The following POFUT3 variants were observed in gnomAD, a reference collection of about 807,000 sequenced individuals.
The protein encoded by POFUT3 is protein O-fucosyltransferase 3.
chr8:33,427,397 G>C, the POFUT3 span, among the ~76,000 whole-genome samples: 1 of 152,018 alleles, frequency 6.6e-6, no homozygotes, highest in East Asian at 1.9e-4. Context: ...GGCCAACATG[G>C]AGAAGCCCCG....
the POFUT3 span, among the ~76,000 whole-genome samples, chr8:33,432,589 G>T: frequency 6.6e-6 from 1 of 152,212 alleles, no homozygotes; most frequent in South Asian, 2.1e-4. Flanking sequence ...ACAGTTACAT[G>T]ACTAGTATTA....
chr8:33,423,560 A>G, the POFUT3 span, among the ~76,000 whole-genome samples: 1 of 152,060 alleles, frequency 6.6e-6, no homozygotes, highest in Non-Finnish European at 1.5e-5. Flanking sequence ...GTGAGCCACC[A>G]TTTCCAGACC....
At chr8:33,375,640 G>A in the POFUT3 span, among the ~76,000 whole-genome samples, 23 of 152,286 alleles carry the variant, frequency 1.5e-4, no homozygotes, top group Admixed American at 5.2e-4. Context: ...GTACTACATG[G>A]TTTATTTTTT....
chr8:33,321,502 C>T, the POFUT3 span, among the ~76,000 whole-genome samples: 32 of 152,066 alleles, frequency 2.1e-4, no homozygotes, highest in African/African-American at 5.8e-4. Context: ...TTTGGCTTCT[C>T]GCAGCAGGGT....
the POFUT3 span, among the ~76,000 whole-genome samples, chr8:33,415,719 C>T: frequency 6.6e-6 from 1 of 152,116 alleles, no homozygotes; most frequent in Non-Finnish European, 1.5e-5. Context: ...GTCCCAGGAC[C>T]TATCCCCATC....
chr8:33,390,837 G>A, the POFUT3 span, among the ~76,000 whole-genome samples: 1 of 152,292 alleles, frequency 6.6e-6, no homozygotes, highest in Non-Finnish European at 1.5e-5. Context: ...AAAAACCTCT[G>A]AAACATGATG....
chr8:33,423,797 T>A, the POFUT3 span, among the ~76,000 whole-genome samples: 6 of 140,354 alleles, frequency 4.3e-5, no homozygotes, highest in African/African-American at 1.6e-4. Context: ...GAAGGGTCTA[T>A]TTCTCTTTAG....
chr8:33,403,364 G>A, the POFUT3 span, among the ~76,000 whole-genome samples: 1 of 152,056 alleles, frequency 6.6e-6, no homozygotes, highest in Admixed American at 6.6e-5. Context: ...CTACTGATGA[G>A]TAGTGAAGTC....
chr8:33,310,154 A>G, the POFUT3 span, among the ~76,000 whole-genome samples: 5 of 152,282 alleles, frequency 3.3e-5, no homozygotes, highest in African/African-American at 1.2e-4. Context: ...AAACAGAATC[A>G]TAGAATTCTT....
At chr8:33,424,138 C>CAA in the POFUT3 span, among the ~76,000 whole-genome samples, 24 of 136,966 alleles carry the variant, frequency 1.8e-4, no homozygotes, top group Middle Eastern at 3.9e-3. Context: ...GACTCCATTT[C>CAA]AAAAAAAAAA....
At chr8:33,360,808 C>T in the POFUT3 span, 1 of 152,212 alleles carries the variant, frequency 6.6e-6, no homozygotes, top group Non-Finnish European at 1.5e-5. Flanking sequence ...GCCCTAGAGT[C>T]ACTGCAAAAA....
chr8:33,425,365 A>G, the POFUT3 span, among the ~76,000 whole-genome samples: 92 of 152,236 alleles, frequency 6.0e-4, 1 homozygote, highest in African/African-American at 2.2e-3. Context: ...AATTTTTTAA[A>G]TAAATGCTAT....
the POFUT3 span, among the ~76,000 whole-genome samples, chr8:33,391,256 A>G: frequency 6.6e-6 from 1 of 152,256 alleles, no homozygotes. Flanking sequence ...AGGCTTTTAA[A>G]CAAAGATCAG....
chr8:33,429,651 CG>C, the POFUT3 span, among the ~76,000 whole-genome samples: 8 of 151,362 alleles, frequency 5.3e-5, no homozygotes, highest in Non-Finnish European at 1.0e-4. Context: ...ACAGGAGGTA[CG>C]AGTGCATGCA....
chr8:33,403,892 C>T, the POFUT3 span, among the ~76,000 whole-genome samples: 1 of 152,070 alleles, frequency 6.6e-6, no homozygotes, highest in Non-Finnish European at 1.5e-5. Flanking sequence ...ACGTACACTC[C>T]AGTCATGCCA....
chr8:33,331,483 C>G, the POFUT3 span, among the ~76,000 whole-genome samples: 1 of 152,022 alleles, frequency 6.6e-6, no homozygotes, highest in Non-Finnish European at 1.5e-5. Flanking sequence ...ATAAATTCAT[C>G]AAGGGATGGA....
At chr8:33,402,786 C>T in the POFUT3 span, among the ~76,000 whole-genome samples, 3 of 152,110 alleles carry the variant, frequency 2.0e-5, no homozygotes, top group South Asian at 2.1e-4. Flanking sequence ...TGGCCAGATT[C>T]GGTGGCTCAT....
the POFUT3 span, among the ~76,000 whole-genome samples, chr8:33,469,803 CTT>C: frequency 9.2e-6 from 1 of 108,782 alleles, no homozygotes; most frequent in African/African-American, 3.4e-5. Context: ...TTTACTTTTT[CTT>C]TTTTTTTTTT....
chr8:33,308,342 C>G, the POFUT3 span, among the ~76,000 whole-genome samples: 1 of 152,190 alleles, frequency 6.6e-6, no homozygotes, highest in South Asian at 2.1e-4. Flanking sequence ...GCATTGAGCT[C>G]TATCAGGAGA....
Sources: gnomAD v4.1 joint callset for allele counts (sites outside exome capture counted in the v4.1 genomes callset) on GRCh38, gnomAD v4.1.1 for gene constraint, MANE v1.5 for transcripts, NCBI Gene and HGNC (gene_info 2026-07-23, HGNC 2026-07-21) for gene names.